The following EYS variants were observed in gnomAD, a reference collection of about 807,000 sequenced individuals.
EYS encodes protein eyes shut homolog.
In EYS, 250 loss-of-function variants were observed where a neutral mutation model predicts 282.1. The observed-to-expected ratio is 0.89, with a 90% CI of 0.80 to 0.98. EYS has a LOEUF of 0.98. EYS is among the 50% of genes least tolerant of loss of function. EYS has a pLI of 0.00. For missense variants in EYS, 4,016 were observed against 3,709.0 expected (o/e 1.08, Z -2.15); for synonymous variants, 1,355 against 1,282.9 (o/e 1.06, Z -1.20).
At chr6:64,866,656 T>TTA (rs3065300) in intron 19 of EYS, among the ~76,000 whole-genome samples, 1 of 151,282 alleles carries the variant, frequency 6.6e-6, no homozygotes, top group Non-Finnish European at 1.5e-5. Flanking sequence ...ACCATTGAAT[T>TTA]GTTATTAGAT....
At chr6:65,526,254 G>A (rs1767557760) in intron 2 of EYS, among the ~76,000 whole-genome samples, 1 of 152,030 alleles carries the variant, frequency 6.6e-6, no homozygotes, top group African/African-American at 2.4e-5. Context: ...TATGATTTGG[G>A]GAATTAAGTT....
chr6:65,604,844 T>G (rs34400811), intron 2 of EYS, among the ~76,000 whole-genome samples: 1 of 77,978 alleles, frequency 1.3e-5, no homozygotes, highest in Non-Finnish European at 3.9e-5. Flanking sequence ...ACTGCCCCCT[T>G]TTTTTTTTTT....
At chr6:64,388,438 A>G (rs546489413) in intron 29 of EYS, among the ~76,000 whole-genome samples, 8 of 152,294 alleles carry the variant, frequency 5.3e-5, no homozygotes, top group South Asian at 2.1e-4. Flanking sequence ...TACACATACT[A>G]TAGCCATAAG....
At chr6:64,088,423 A>G (rs987816452) in intron 31 of EYS, among the ~76,000 whole-genome samples, 2 of 151,978 alleles carry the variant, frequency 1.3e-5, no homozygotes, top group Non-Finnish European at 2.9e-5. Flanking sequence ...GTCTTAAAAG[A>G]TCATATAGAC....
chr6:64,406,591 A>G (rs1348473430), intron 28 of EYS, among the ~76,000 whole-genome samples: 1 of 152,238 alleles, frequency 6.6e-6, no homozygotes, highest in African/African-American at 2.4e-5. Context: ...TCCAGAATCT[A>G]CAAAGAACTT....
intron 31 of EYS, among the ~76,000 whole-genome samples, chr6:64,117,291 T>A (rs2150270917): frequency 6.6e-6 from 1 of 150,716 alleles, no homozygotes; most frequent in African/African-American, 2.4e-5. Context: ...TAAAATATCA[T>A]AACTTTGTAC....
intron 33 of EYS, among the ~76,000 whole-genome samples, chr6:64,045,764 A>G (rs1282266530): frequency 6.6e-6 from 1 of 151,168 alleles, no homozygotes; most frequent in Admixed American, 6.6e-5. Flanking sequence ...AATTATTAAC[A>G]ACTGTTAAAT....
chr6:64,970,174 GA>G (rs1770242249), intron 14 of EYS, among the ~76,000 whole-genome samples: 1 of 151,220 alleles, frequency 6.6e-6, no homozygotes, highest in African/African-American at 2.4e-5. Flanking sequence ...GAAAAAGTTA[GA>G]AATGTAATGA....
rs374655288 is a variant in EYS at position 64,029,504 on chromosome 6, G to A, written c.6726-30321C>T. Among the ~76,000 whole-genome samples, 12 of 152,276 alleles carry A rather than the reference G, an allele frequency of 7.9e-5. No individual in the cohort carries two copies. In the East Asian group the frequency reaches 9.6e-4, roughly 12 times the overall value. On this transcript the variant is annotated intron_variant, in intron 33 of 42. Transcript: ENST00000503581. ...ACCAGGTACTCCTCCTTGAGGGACCGGTGTTTCAAAAATGCACGTGTGTGG... is the reference window on the plus strand; with the variant it reads ...ACCAGGTACTCCTCCTTGAGGGACCAGTGTTTCAAAAATGCACGTGTGTGG...
intron 12 of EYS, among the ~76,000 whole-genome samples, chr6:65,124,330 G>A (rs1301289105): frequency 6.6e-6 from 1 of 152,098 alleles, no homozygotes; most frequent in East Asian, 1.9e-4. Context: ...ATTTCCAGAT[G>A]AATAAATTTG....
At chr6:63,786,900 G>A (rs1189392921) in intron 39 of EYS, among the ~76,000 whole-genome samples, 4 of 152,066 alleles carry the variant, frequency 2.6e-5, no homozygotes, top group African/African-American at 9.7e-5. Context: ...TGGATTTATG[G>A]TACAGTTGCA....
intron 26 of EYS, among the ~76,000 whole-genome samples, chr6:64,536,928 T>C (rs1170417294): frequency 2.0e-5 from 3 of 151,948 alleles, no homozygotes; most frequent in Non-Finnish European, 4.4e-5. Context: ...TGTCCAAGAA[T>C]CTTTTTTCCC....
At chr6:64,420,596 G>A (rs746983631) in intron 28 of EYS, among the ~76,000 whole-genome samples, 1 of 152,086 alleles carries the variant, frequency 6.6e-6, no homozygotes, top group Non-Finnish European at 1.5e-5. Context: ...TTGTGACTTT[G>A]GGCATCAAAG....
At chr6:64,705,648 TA>T (rs1335973771) in intron 22 of EYS, among the ~76,000 whole-genome samples, 1 of 151,392 alleles carries the variant, frequency 6.6e-6, no homozygotes, top group African/African-American at 2.4e-5. Flanking sequence ...TATGCAGCCA[TA>T]AAAAATGATG....
intron 29 of EYS, among the ~76,000 whole-genome samples, chr6:64,315,532 A>G (rs1364002457): frequency 6.6e-6 from 1 of 151,780 alleles, no homozygotes; most frequent in Non-Finnish European, 1.5e-5. Flanking sequence ...AATGCTGGCA[A>G]ACCGAATCCA....
chr6:65,197,181 C>T (rs1765789316), intron 12 of EYS, among the ~76,000 whole-genome samples: 1 of 151,992 alleles, frequency 6.6e-6, no homozygotes, highest in Admixed American at 6.6e-5. Flanking sequence ...ATGGAGTTTA[C>T]TCTCTGATGT....
intron 31 of EYS, among the ~76,000 whole-genome samples, chr6:64,107,293 A>G (rs58733323): frequency 8.1e-6 from 1 of 123,468 alleles, no homozygotes. Context: ...ATTTATATAT[A>G]TATATATATA....
At chr6:65,218,641 C>T (rs1045872756) in intron 12 of EYS, among the ~76,000 whole-genome samples, 3 of 152,096 alleles carry the variant, frequency 2.0e-5, no homozygotes, top group Non-Finnish European at 2.9e-5. Context: ...AGACTTCAAC[C>T]TAGTCCCAGG....
intron 29 of EYS, among the ~76,000 whole-genome samples, chr6:64,377,201 A>G (rs1772589540): frequency 1.3e-5 from 2 of 152,198 alleles, no homozygotes; most frequent in African/African-American, 2.4e-5. Context: ...AAAAAAGCAT[A>G]CTAATGAATT....
Sources: gnomAD v4.1 joint callset for allele counts (sites outside exome capture counted in the v4.1 genomes callset) on GRCh38, gnomAD v4.1.1 for gene constraint, MANE v1.5 for transcripts, NCBI Gene and HGNC (gene_info 2026-07-23, HGNC 2026-07-21) for gene names.